PTPRM: variants seen among roughly 807,000 people sequenced by gnomAD.
The protein encoded by PTPRM is receptor-type tyrosine-protein phosphatase mu.
A neutral mutation model predicts 186.7 loss-of-function variants in PTPRM; 47 were observed. That is an observed-to-expected ratio of 0.25 (90% CI 0.20 to 0.32). The LOEUF (loss-of-function observed/expected upper bound fraction) is 0.32. Among genes scored for constraint, PTPRM ranks in the 10% least tolerant of loss-of-function variants. The pLI is 1.00. For synonymous variants in PTPRM, 668 were observed against 674.9 expected (o/e 0.99, Z 0.16); for missense variants, 1,494 against 1,865.0 (o/e 0.80, Z 3.66).
At chr18:8,234,378 C>T (rs549642346) in intron 14 of PTPRM, among the ~76,000 whole-genome samples, 1 of 152,238 alleles carries the variant, frequency 6.6e-6, no homozygotes, top group African/African-American at 2.4e-5. Flanking sequence ...TGTCAAATTA[C>T]AGTTGCTCAT....
intron 1 of PTPRM, among the ~76,000 whole-genome samples, chr18:7,605,419 T>C (rs982023460): frequency 2.7e-5 from 4 of 149,658 alleles, no homozygotes; most frequent in Admixed American, 1.3e-4. Context: ...AGCAAAAATG[T>C]CCCCCCCCCA....
chr18:8,140,409 T>A (rs2092737599), intron 13 of PTPRM, among the ~76,000 whole-genome samples: 1 of 148,768 alleles, frequency 6.7e-6, no homozygotes, highest in African/African-American at 2.5e-5. Context: ...AGCTAAATAC[T>A]GCATTGGTTA....
chr18:7,581,103 T>G (rs781013788), intron 1 of PTPRM, among the ~76,000 whole-genome samples: 1 of 152,200 alleles, frequency 6.6e-6, no homozygotes, highest in Non-Finnish European at 1.5e-5. Context: ...TGTTTTGTAG[T>G]AGCTGGAACT....
chr18:8,037,230 C>CTAT (rs1197688965), intron 7 of PTPRM, among the ~76,000 whole-genome samples: 4 of 152,200 alleles, frequency 2.6e-5, no homozygotes, highest in African/African-American at 4.8e-5. Context: ...TCTCCTCACA[C>CTAT]TTAATACCTT....
chr18:7,771,253 A>G (rs1015040059), intron 1 of PTPRM, among the ~76,000 whole-genome samples: 4 of 152,134 alleles, frequency 2.6e-5, no homozygotes, highest in African/African-American at 7.2e-5. Flanking sequence ...ATCTGTTTCC[A>G]CTGGGGGACC....
At chr18:8,357,579 G>A (rs980661921) in intron 23 of PTPRM, among the ~76,000 whole-genome samples, 5 of 152,130 alleles carry the variant, frequency 3.3e-5, no homozygotes, top group African/African-American at 9.7e-5. Context: ...TCTCACGATC[G>A]TTTAATGAAG....
intron 2 of PTPRM, among the ~76,000 whole-genome samples, chr18:7,827,288 C>T (rs1249726605): frequency 6.6e-6 from 1 of 152,206 alleles, no homozygotes; most frequent in Non-Finnish European, 1.5e-5. Flanking sequence ...ACTCTCGACT[C>T]TCCTGTCTGC....
rs1324473260 is a variant in PTPRM, at chr18:7,651,727, G to C, written c.73+83836G>C. The stretch of plus-strand genomic sequence containing the variant: ...TAGAAAGCTGAAACTGGATCCCTTC[G>C]TTACACCTTATACAAAAATCAATTC... On this transcript the variant is annotated intron_variant, in intron 1 of 32. Coordinates refer to ENST00000580170, the MANE Select transcript of PTPRM (RefSeq NM_001105244.2). Among the ~76,000 whole-genome samples, 64 of 151,254 alleles carry C rather than the reference G, an allele frequency of 4.2e-4. No homozygotes were observed. The East Asian group carries it at 6.6e-3, about 16-fold the overall frequency.
intron 1 of PTPRM, among the ~76,000 whole-genome samples, chr18:7,601,612 T>C (rs2037405121): frequency 6.6e-6 from 1 of 152,246 alleles, no homozygotes; most frequent in South Asian, 2.1e-4. Context: ...TATTCTCTTC[T>C]GTGTGTCTCT....
At chr18:7,645,921 G>A (rs1426203618) in intron 1 of PTPRM, among the ~76,000 whole-genome samples, 1 of 152,148 alleles carries the variant, frequency 6.6e-6, no homozygotes, top group Admixed American at 6.5e-5. Context: ...TTGGGTCTCT[G>A]CCAAAACAGG....
At chr18:7,818,575 C>T (rs528226211) in intron 2 of PTPRM, among the ~76,000 whole-genome samples, 94 of 152,232 alleles carry the variant, frequency 6.2e-4, no homozygotes, top group Non-Finnish European at 1.2e-3. Flanking sequence ...AAAGAACTGC[C>T]CTAAGCACTT....
Position 7,679,127 on chromosome 18 carries a change from C to T in PTPRM, c.74-95022C>T, listed in dbSNP as rs73389573. ...TTCCTTTGGCTGTACATTTTTGAGC[C>T]TTTATCATAGAGTCAAGTGTTGTAA... On this transcript the variant is annotated intron_variant, in intron 1 of 32. Coordinates refer to ENST00000580170, the MANE Select transcript of PTPRM (RefSeq NM_001105244.2). 3.0e-3 allele frequency among the ~76,000 whole-genome samples: 453 copies of T among 152,260 alleles called. 5 individuals carry two copies. The highest frequency in any genetic ancestry group is 0.01 in the African/African-American group (432 of 41,552).
chr18:7,722,921 G>T (rs2040475872), intron 1 of PTPRM, among the ~76,000 whole-genome samples: 1 of 152,118 alleles, frequency 6.6e-6, no homozygotes, highest in African/African-American at 2.4e-5. Flanking sequence ...AATTAGAATG[G>T]CACTATGTAA....
At chr18:8,079,820 A>G (rs2090030819) in intron 9 of PTPRM, among the ~76,000 whole-genome samples, 1 of 152,142 alleles carries the variant, frequency 6.6e-6, no homozygotes, top group East Asian at 1.9e-4. Flanking sequence ...GATGAAAGAT[A>G]CCATGAAGGA....
chr18:7,738,442 GT>G lies in PTPRM; in HGVS notation c.74-35696del, dbSNP rs35994895. ...CATAGCCCAGTTTATTCAACTTTTG[GT>G]TTTTTTTTTTGAGACGGAGTCTCGC... On this transcript the variant is annotated intron_variant, in intron 1 of 32. Coordinates refer to ENST00000580170, the MANE Select transcript of PTPRM (RefSeq NM_001105244.2). 1.9e-4 allele frequency among the ~76,000 whole-genome samples: 28 copies of G among 146,386 alleles called. 1 individual carries two copies. The highest frequency in any genetic ancestry group is 2.4e-4 in the Non-Finnish European group (16 of 66,020).
intron 14 of PTPRM, among the ~76,000 whole-genome samples, chr18:8,187,495 G>GCCA (rs1220321261): frequency 6.6e-6 from 1 of 152,204 alleles, no homozygotes; most frequent in Non-Finnish European, 1.5e-5. Context: ...GAGTTTCCAT[G>GCCA]CCATCTTAAG....
At chr18:7,697,971 T>C (rs1012322595) in intron 1 of PTPRM, among the ~76,000 whole-genome samples, 5 of 152,250 alleles carry the variant, frequency 3.3e-5, no homozygotes, top group Admixed American at 2.6e-4. Flanking sequence ...CATTTTGTTC[T>C]GTTGTAGTCA....
intron 4 of PTPRM, among the ~76,000 whole-genome samples, chr18:7,919,222 A>G (rs1276060497): frequency 1.3e-5 from 2 of 152,126 alleles, no homozygotes; most frequent in Non-Finnish European, 2.9e-5. Context: ...GAAATCAGGT[A>G]GTATATGATG....
chr18:8,066,980 G>T (rs868681875), intron 7 of PTPRM, among the ~76,000 whole-genome samples: 3 of 152,330 alleles, frequency 2.0e-5, no homozygotes, highest in South Asian at 2.1e-4. Context: ...TTTGTTTTCA[G>T]TCCTGAATTT....
Sources: gnomAD v4.1 joint callset for allele counts (sites outside exome capture counted in the v4.1 genomes callset) on GRCh38, gnomAD v4.1.1 for gene constraint, MANE v1.5 for transcripts, NCBI Gene and HGNC (gene_info 2026-07-23, HGNC 2026-07-21) for gene names.